AGBL1: variants seen among roughly 807,000 people sequenced by gnomAD.
AGBL1 encodes cytosolic carboxypeptidase 4.
A neutral mutation model predicts 118.9 loss-of-function variants in AGBL1; 130 were observed. The observed-to-expected ratio is 1.09, with a 90% CI of 0.95 to 1.26. AGBL1 has a LOEUF of 1.26. AGBL1 is among the 50% of genes most tolerant of loss of function. The pLI, the probability that AGBL1 is intolerant of heterozygous loss-of-function variation, is 0.00. For synonymous variants in AGBL1, 555 were observed against 478.9 expected (o/e 1.16, Z -2.08); for missense variants, 1,584 against 1,298.1 (o/e 1.22, Z -3.38).
At chr15:86,399,867 T>C (rs545024095) in intron 18 of AGBL1, among the ~76,000 whole-genome samples, 6 of 152,322 alleles carry the variant, frequency 3.9e-5, no homozygotes, top group Non-Finnish European at 7.4e-5. Context: ...AAATTACCTT[T>C]TCATTTATAT....
intron 23 of AGBL1, among the ~76,000 whole-genome samples, chr15:86,933,372 A>T (rs2080628676): frequency 1.3e-5 from 2 of 152,054 alleles, no homozygotes; most frequent in African/African-American, 4.8e-5. Flanking sequence ...AATAAGGGAT[A>T]TGGGAGGGGT....
rs542271410 is a variant in AGBL1, at chr15:86,153,502, C to T, written c.263-928C>T. Reference sequence around the variant, plus strand: ...GGGCAGTGAACATCACACACCGGGGCCTGTCGTGGGGTGGGGGGCAGGGGG... The same window carrying T: ...GGGCAGTGAACATCACACACCGGGGTCTGTCGTGGGGTGGGGGGCAGGGGG... On this transcript the variant is annotated intron_variant, in intron 3 of 22. Transcript: ENST00000614907. Among the ~76,000 whole-genome samples, 9 of 151,684 alleles carry T rather than the reference C, an allele frequency of 5.9e-5. No homozygotes were observed. In the South Asian group the frequency reaches 1.7e-3, roughly 28 times the overall value.
chr15:86,874,727 A>G (rs1596578008), intron 22 of AGBL1, among the ~76,000 whole-genome samples: 2 of 152,300 alleles, frequency 1.3e-5, no homozygotes, highest in Middle Eastern at 3.4e-3. Flanking sequence ...TTTCTCAAAT[A>G]CTTTTAAATG....
chr15:86,853,973 C>G (rs74670097), intron 22 of AGBL1, among the ~76,000 whole-genome samples: 4 of 152,066 alleles, frequency 2.6e-5, no homozygotes, highest in Non-Finnish European at 5.9e-5. Flanking sequence ...GCTCGATACC[C>G]AAGAGCCGTA....
intron 5 of AGBL1, among the ~76,000 whole-genome samples, chr15:86,185,116 A>G (rs946973586): frequency 2.0e-5 from 3 of 152,238 alleles, no homozygotes; most frequent in Non-Finnish European, 4.4e-5. Flanking sequence ...GACACTTCTC[A>G]AAAGAAGACA....
At chr15:86,561,547 G>A (rs1235465167) in intron 21 of AGBL1, among the ~76,000 whole-genome samples, 1 of 152,168 alleles carries the variant, frequency 6.6e-6, no homozygotes, top group African/African-American at 2.4e-5. Context: ...TGCTGTTTTT[G>A]TTACTGTAGC....
intron 1 of AGBL1, among the ~76,000 whole-genome samples, chr15:86,094,868 A>C (rs1461088751): frequency 6.6e-6 from 1 of 152,146 alleles, no homozygotes; most frequent in Non-Finnish European, 1.5e-5. Context: ...TTCTGATCCT[A>C]ACTACCTGGA....
chr15:86,648,538 CA>C (rs2085322469), intron 21 of AGBL1, among the ~76,000 whole-genome samples: 1 of 152,104 alleles, frequency 6.6e-6, no homozygotes, highest in African/African-American at 2.4e-5. Context: ...ATTGGTTCTG[CA>C]AAATGTTTTG....
intron 23 of AGBL1, among the ~76,000 whole-genome samples, chr15:86,963,435 T>C (rs754931772): frequency 6.6e-6 from 1 of 152,030 alleles, no homozygotes; most frequent in Non-Finnish European, 1.5e-5. Context: ...GGATTAGTGC[T>C]GTCCTCAGAT....
At chr15:86,519,557 C>A (rs2083161073) in intron 18 of AGBL1, among the ~76,000 whole-genome samples, 1 of 152,162 alleles carries the variant, frequency 6.6e-6, no homozygotes, top group Admixed American at 6.5e-5. Context: ...CAAATGGATT[C>A]ACTTTAAAAG....
At chr15:86,151,813 G>A (rs1185824175) in intron 3 of AGBL1, among the ~76,000 whole-genome samples, 1 of 152,154 alleles carries the variant, frequency 6.6e-6, no homozygotes, top group Admixed American at 6.5e-5. Context: ...AAGCTGATAA[G>A]CAACTTCAGC....
chr15:86,923,752 C>T (rs1039584645), intron 23 of AGBL1, among the ~76,000 whole-genome samples: 5 of 152,176 alleles, frequency 3.3e-5, no homozygotes, highest in African/African-American at 1.2e-4. Context: ...TATTATCTGA[C>T]AAAATGCTCC....
intron 21 of AGBL1, among the ~76,000 whole-genome samples, chr15:86,672,579 C>T (rs769477167): frequency 3.4e-4 from 52 of 152,110 alleles, no homozygotes; most frequent in Non-Finnish European, 5.0e-4. Flanking sequence ...AGGTGGCTGA[C>T]TGAGCAGGCA....
intron 22 of AGBL1, among the ~76,000 whole-genome samples, chr15:86,685,528 G>C (rs1351579372): frequency 2.6e-5 from 4 of 152,076 alleles, no homozygotes; most frequent in African/African-American, 9.7e-5. Flanking sequence ...CCTGTGCTTT[G>C]CCAGTGAGTA....
intron 18 of AGBL1, among the ~76,000 whole-genome samples, chr15:86,439,800 C>T (rs1256874422): frequency 6.6e-5 from 10 of 152,212 alleles, no homozygotes; most frequent in Admixed American, 6.5e-4. Context: ...CAGCTGCTGT[C>T]CCTCAGGCCT....
chr15:86,530,258 A>G (rs1378630462), intron 19 of AGBL1, among the ~76,000 whole-genome samples: 1 of 122,446 alleles, frequency 8.2e-6, no homozygotes, highest in Non-Finnish European at 1.6e-5. Flanking sequence ...AAAAGGATGG[A>G]GGAAGATCTA....
intron 5 of AGBL1, among the ~76,000 whole-genome samples, chr15:86,202,687 T>C (rs2077926700): frequency 6.6e-6 from 1 of 152,216 alleles, no homozygotes; most frequent in Admixed American, 6.5e-5. Context: ...ATATTTTTAT[T>C]TCCTATAATA....
chr15:86,832,538 A>G (rs548797026), intron 22 of AGBL1, among the ~76,000 whole-genome samples: 2 of 152,268 alleles, frequency 1.3e-5, no homozygotes, highest in South Asian at 2.1e-4. Flanking sequence ...AGTTTGACAG[A>G]TTTCTAGGAC....
At chr15:86,331,836 A>G (rs962620685) in intron 17 of AGBL1, among the ~76,000 whole-genome samples, 31 of 152,248 alleles carry the variant, frequency 2.0e-4, no homozygotes, top group Admixed American at 1.6e-3. Context: ...CCTGCTATAC[A>G]GAAACACACT....
Sources: allele counts gnomAD v4.1 joint callset (sites outside exome capture counted in the v4.1 genomes callset), GRCh38; gene constraint gnomAD v4.1.1; transcripts MANE v1.5; gene names NCBI Gene and HGNC (gene_info 2026-07-23, HGNC 2026-07-21).